KALRN: variants seen among roughly 807,000 people sequenced by gnomAD.
KALRN encodes kalirin.
In KALRN, 70 loss-of-function variants were observed where a neutral mutation model predicts 353.7. That is an observed-to-expected ratio of 0.20 (90% CI 0.16 to 0.24). The LOEUF is 0.24. Among genes scored for constraint, KALRN ranks in the 10% least tolerant of loss-of-function variants. The pLI is 1.00. For missense variants in KALRN, 2,791 were observed against 3,756.7 expected (o/e 0.74, Z 6.72); for synonymous variants, 1,391 against 1,434.8 (o/e 0.97, Z 0.69).
At chr3:124,123,318 A>T (rs1415842522) in intron 1 of KALRN, among the ~76,000 whole-genome samples, 1 of 152,214 alleles carries the variant, frequency 6.6e-6, no homozygotes, top group Non-Finnish European at 1.5e-5. Context: ...CACACACATG[A>T]TAAGAAGGGG....
chr3:124,662,822 C>T (rs984198561), intron 45 of KALRN, among the ~76,000 whole-genome samples: 2 of 152,200 alleles, frequency 1.3e-5, no homozygotes, highest in Admixed American at 6.5e-5. Context: ...AAGGTACTGT[C>T]AGGTACCTCC....
At chr3:124,470,564 C>G (rs1322721632) in intron 25 of KALRN, among the ~76,000 whole-genome samples, 1 of 152,096 alleles carries the variant, frequency 6.6e-6, no homozygotes, top group East Asian at 1.9e-4. Context: ...GCTTTCTCCC[C>G]CTAAATTAAA....
At chr3:124,380,143 C>T (rs879436296) in intron 10 of KALRN, among the ~76,000 whole-genome samples, 2 of 152,186 alleles carry the variant, frequency 1.3e-5, no homozygotes, top group Admixed American at 6.5e-5. Context: ...AAGGAAGTAG[C>T]CTCTTGATTC....
chr3:124,462,562 C>T lies in KALRN; in HGVS notation c.3960C>T (p.Ile1320=), dbSNP rs781339698. The T allele has an allele frequency of 1.1e-5, 17 of 1,610,280 alleles. No individual in the cohort carries two copies. The South Asian group carries it at 1.1e-4, about 10-fold the overall frequency. The part of the protein sequence containing the change: ...LWEMTSGVEE[I]PPGILNKEHI... ...AAATGACCAGTGGTGTGGAGGAGAT[C>T]CCCCCTGGGATCCTCAATAAAGAGC... is the stretch of plus-strand genomic sequence containing the variant. The change falls in exon 25 of 60, where the codon ATC becomes ATT. Residue 1320 remains isoleucine (I), a synonymous_variant. Transcript: ENST00000682506.
intron 56 of KALRN, among the ~76,000 whole-genome samples, chr3:124,700,987 G>A (rs1162125222): frequency 6.6e-6 from 1 of 152,184 alleles, no homozygotes; most frequent in Non-Finnish European, 1.5e-5. Flanking sequence ...AATTCAAGAT[G>A]GATAAGCCGC....
At chr3:124,578,002 C>T (rs2074286664) in intron 34 of KALRN, among the ~76,000 whole-genome samples, 1 of 152,198 alleles carries the variant, frequency 6.6e-6, no homozygotes, top group Non-Finnish European at 1.5e-5. Flanking sequence ...TGTCTCAATT[C>T]CTCTTTTTCA....
intron 1 of KALRN, among the ~76,000 whole-genome samples, chr3:124,053,799 A>C (rs934920888): frequency 6.6e-6 from 1 of 152,236 alleles, no homozygotes; most frequent in Non-Finnish European, 1.5e-5. Flanking sequence ...TTCTTGACAC[A>C]ATGTCATTTT....
chr3:124,227,663 GTTTTTTTTTTTTTTTTTTTTTTT>G lies in KALRN; in HGVS notation c.74-307_74-285del, dbSNP rs747087120. ...CAAGTTGCTCAATAGCAACAGGGCTGTTTTTTTTTTTTTTTTTTTTTTTTTTTTTTTTTTTTTTTTTTGCCCCC... is the reference window on the plus strand; with the variant it reads ...CAAGTTGCTCAATAGCAACAGGGCTGTTTTTTTTTTTTTTTTTTTGCCCCC... On this transcript the variant is annotated intron_variant, in intron 1 of 59. Coordinates refer to ENST00000682506, the MANE Select transcript of KALRN (RefSeq NM_001388419.1). Among the ~76,000 whole-genome samples, 330 of 69,236 alleles carry G rather than the reference GTTTTTTTTTTTTTTTTTTTTTTT, an allele frequency of 4.8e-3. 1 individual carries two copies. The highest frequency in any genetic ancestry group is 9.1e-3 in the Middle Eastern group (1 of 110). 45.4% of individuals were successfully genotyped at this position (69,236 alleles called of 152,430 possible). A position where few individuals can be genotyped will look rare whatever the true frequency, so the allele number is the denominator to read the frequency against.
chr3:124,077,575 C>T (rs2060318572), intron 1 of KALRN, among the ~76,000 whole-genome samples: 1 of 152,194 alleles, frequency 6.6e-6, no homozygotes, highest in African/African-American at 2.4e-5. Context: ...TAATTGTCCC[C>T]GCTCTTCCTC....
At chr3:124,095,949 A>C (rs2061419308) in intron 1 of KALRN, 1 of 152,214 alleles carries the variant, frequency 6.6e-6, no homozygotes. Context: ...AGACAGCTGC[A>C]CAGAGCAGGT....
intron 34 of KALRN, among the ~76,000 whole-genome samples, chr3:124,590,930 G>T (rs569437727): frequency 7.2e-5 from 11 of 152,260 alleles, no homozygotes; most frequent in African/African-American, 2.6e-4. Context: ...ATCCTTTTCT[G>T]ATATTCTTTC....
At chr3:124,153,580 G>A (rs1382508097) in intron 1 of KALRN, among the ~76,000 whole-genome samples, 4 of 150,668 alleles carry the variant, frequency 2.7e-5, no homozygotes, top group East Asian at 1.9e-4. Context: ...ATAAACATAC[G>A]TGTGCATGTG....
At chr3:124,188,880 G>A (rs538979335) in intron 1 of KALRN, among the ~76,000 whole-genome samples, 43 of 152,164 alleles carry the variant, frequency 2.8e-4, no homozygotes, top group Non-Finnish European at 5.1e-4. Flanking sequence ...CAGTAGCAAT[G>A]CAGAGGGGCC....
At chr3:124,623,943 G>A (rs2079623581) in intron 34 of KALRN, among the ~76,000 whole-genome samples, 1 of 152,202 alleles carries the variant, frequency 6.6e-6, no homozygotes, top group Non-Finnish European at 1.5e-5. Flanking sequence ...TATGTGTGTT[G>A]CATGGAAACA....
At chr3:124,089,686 G>T (rs1455225675) in intron 1 of KALRN, among the ~76,000 whole-genome samples, 1 of 151,916 alleles carries the variant, frequency 6.6e-6, no homozygotes, top group Admixed American at 6.6e-5. Context: ...AGGTGCCTTG[G>T]GGAAGGCAGC....
intron 5 of KALRN, among the ~76,000 whole-genome samples, chr3:124,276,560 C>T (rs1325015574): frequency 6.6e-6 from 1 of 152,220 alleles, no homozygotes; most frequent in African/African-American, 2.4e-5. Context: ...ACCTCCAACA[C>T]CCCCATTCCC....
intron 2 of KALRN, among the ~76,000 whole-genome samples, chr3:124,228,387 G>C (rs1490009908): frequency 6.6e-6 from 1 of 152,206 alleles, no homozygotes; most frequent in East Asian, 1.9e-4. Flanking sequence ...TTTTATCTGA[G>C]TTCATTTCTG....
chr3:124,174,931 G>A (rs1578968254), intron 1 of KALRN, among the ~76,000 whole-genome samples: 1 of 152,376 alleles, frequency 6.6e-6, no homozygotes, highest in Non-Finnish European at 1.5e-5. Flanking sequence ...CAGAATTTAA[G>A]TCCTAGTGGG....
At chr3:124,476,217 G>C (rs1043673418) in intron 26 of KALRN, among the ~76,000 whole-genome samples, 1 of 151,600 alleles carries the variant, frequency 6.6e-6, no homozygotes, top group Non-Finnish European at 1.5e-5. Context: ...TGTTTGTTAT[G>C]TATTGAAAGG....
Sources: allele counts gnomAD v4.1 joint callset (sites outside exome capture counted in the v4.1 genomes callset), GRCh38; gene constraint gnomAD v4.1.1; transcripts MANE v1.5; gene names NCBI Gene and HGNC (gene_info 2026-07-23, HGNC 2026-07-21).